The following ZPLD1 variants were observed in gnomAD, a reference collection of about 807,000 sequenced individuals.
The protein encoded by ZPLD1 is zona pellucida like domain containing 1, also known as zona pellucida-like domain-containing protein 1.
In ZPLD1, 34 loss-of-function variants were observed where a neutral mutation model predicts 47.2. The observed-to-expected ratio is 0.72, with a 90% CI of 0.55 to 0.96. The LOEUF (loss-of-function observed/expected upper bound fraction) is 0.96, where lower values mean the gene tolerates loss of function less well. Among genes scored for constraint, ZPLD1 ranks in the 40% least tolerant of loss-of-function variants. ZPLD1 has a pLI of 0.00. For missense variants in ZPLD1, 512 were observed against 505.8 expected, an observed-to-expected ratio of 1.01 and a Z score of -0.12; for synonymous variants, 176 against 186.2, an observed-to-expected ratio of 0.95 and a Z score of 0.45.
At chr3:102,404,244 A>T (rs1473560190) in intron 7 of ZPLD1, among the ~76,000 whole-genome samples, 1 of 151,960 alleles carries the variant, frequency 6.6e-6, no homozygotes, top group East Asian at 1.9e-4. Flanking sequence ...TATGCGTGTA[A>T]ATAACCTTAT....
At position 102,412,758 on chromosome 3, in the gene ZPLD1, T is replaced by C. The variant is rs1259157767; in HGVS notation, c.-156-5302T>C. Among the ~76,000 whole-genome samples the C allele has an allele frequency of 3.3e-5, 5 of 151,560 alleles. No homozygotes were observed. The East Asian group carries it at 9.7e-4, about 30-fold the overall frequency. The stretch of plus-strand genomic sequence containing the variant: ...CAAGAACTGTGAGCTCTGTAGCAGG[T>C]TTACAAGCACAGATTGACTGGTTTC... On this transcript the variant is annotated intron_variant, in intron 7 of 17. Coordinates refer to the ZPLD1 transcript ENST00000491959.
At chr3:102,458,566 A>G (rs1198799828) in intron 6 of ZPLD1, among the ~76,000 whole-genome samples, 1 of 152,210 alleles carries the variant, frequency 6.6e-6, no homozygotes, top group Non-Finnish European at 1.5e-5. Context: ...TTGCATTATT[A>G]TTCATGTCAT....
intron 10 of ZPLD1, among the ~76,000 whole-genome samples, chr3:102,470,725 T>TAC (rs149917091): frequency 0.21 from 31,724 of 148,774 alleles, 3,816 homozygotes; most frequent in African/African-American, 0.34. Context: ...CACACACACA[T>TAC]ACACACACAC....
intron 7 of ZPLD1, among the ~76,000 whole-genome samples, chr3:102,394,837 A>G (rs1172770933): frequency 6.6e-6 from 1 of 152,198 alleles, no homozygotes; most frequent in African/African-American, 2.4e-5. Context: ...GTGGTGATGT[A>G]ACCACATCTG....
intron 3 of ZPLD1, among the ~76,000 whole-genome samples, chr3:102,450,152 A>C (rs1707314342): frequency 6.6e-6 from 1 of 152,170 alleles, no homozygotes; most frequent in African/African-American, 2.4e-5. Context: ...TTACTTAGGC[A>C]AAGCTTTGGG....
intron 7 of ZPLD1, among the ~76,000 whole-genome samples, chr3:102,400,784 TA>T (rs577042661): frequency 1.3e-5 from 2 of 151,662 alleles, no homozygotes; most frequent in African/African-American, 2.4e-5. Flanking sequence ...CATACACTAA[TA>T]AAAAAAATAC....
Position 102,469,082 on chromosome 3 carries a change from T to A in ZPLD1, c.880T>A (p.Leu294Met). The A allele has an allele frequency of 6.2e-7, 1 of 1,614,168 alleles. No individual in the cohort carries two copies. ...HKNQKMSTVFLHCVTKLCRAD... is the reference protein window; with the variant it reads ...HKNQKMSTVFMHCVTKLCRAD... ...GAATCAGAAAATGTCCACTGTCTTC[T>A]TGCACTGCGTTACCAAGCTCTGCAG... is the stretch of plus-strand genomic sequence containing the variant. The change falls in exon 9 of 12, where the codon TTG becomes ATG. Residue 294 changes from leucine to methionine, a missense_variant. By Grantham distance (15) the Leu-to-Met change is conservative. Coordinates refer to ENST00000466937, the MANE Select transcript of ZPLD1 (RefSeq NM_001329788.2).
intron 7 of ZPLD1, among the ~76,000 whole-genome samples, chr3:102,403,711 A>C (rs1706650338): frequency 6.6e-6 from 1 of 151,980 alleles, no homozygotes; most frequent in African/African-American, 2.4e-5. Flanking sequence ...TTAACTGTGG[A>C]AGTTGAAGTC....
At chr3:102,430,387 A>G (rs192377314), upstream of ZPLD1, among the ~76,000 whole-genome samples, 10 of 152,328 alleles carry the variant, frequency 6.6e-5, no homozygotes, top group Admixed American at 2.0e-4. Flanking sequence ...CTTTCCTAAC[A>G]TATTTTGCAA....
upstream of ZPLD1, among the ~76,000 whole-genome samples, chr3:102,433,135 A>G (rs1407281219): frequency 6.6e-6 from 1 of 152,226 alleles, no homozygotes; most frequent in Non-Finnish European, 1.5e-5. Context: ...GGAGAGTACC[A>G]GACACATATA....
chr3:102,475,097 T>C (rs769132432), intron 10 of ZPLD1, among the ~76,000 whole-genome samples: 7 of 151,916 alleles, frequency 4.6e-5, no homozygotes, highest in Non-Finnish European at 5.9e-5. Context: ...CAATTCCAAA[T>C]AGTATTCAAA....
At chr3:102,436,522 T>C (rs571922920) in intron 1 of ZPLD1, among the ~76,000 whole-genome samples, 2 of 152,284 alleles carry the variant, frequency 1.3e-5, no homozygotes, top group Non-Finnish European at 2.9e-5. Flanking sequence ...TTAAATTTAA[T>C]AACAGATGAA....
At chr3:102,461,003 T>G (rs2107345541) in intron 6 of ZPLD1, among the ~76,000 whole-genome samples, 1 of 152,002 alleles carries the variant, frequency 6.6e-6, no homozygotes, top group African/African-American at 2.4e-5. Context: ...AACAAAAGAC[T>G]GAAGAGTATC....
intron 7 of ZPLD1, among the ~76,000 whole-genome samples, chr3:102,402,387 T>C (rs1706631971): frequency 6.6e-6 from 1 of 152,074 alleles, no homozygotes; most frequent in Non-Finnish European, 1.5e-5. Context: ...CTTTTAATTG[T>C]ACCAAAGCTT....
intron 3 of ZPLD1, among the ~76,000 whole-genome samples, chr3:102,452,114 CGTGTGTGTGTGTGTGTGT>C (rs56086826): frequency 1.7e-4 from 24 of 141,810 alleles, no homozygotes; most frequent in Middle Eastern, 3.5e-3. Context: ...ATATGAAGAC[CGTGTGTGTGTGTGTGTGT>C]GTGTGTGTGT....
intron 6 of ZPLD1, 110 bp from the exon 7 acceptor site, chr3:102,462,170 AG>A (rs975853605): frequency 6.9e-5 from 42 of 612,370 alleles, no homozygotes; most frequent in Non-Finnish European, 1.1e-4. Flanking sequence ...TTGATTCTGT[AG>A]GTTTATGTTG....
At position 102,461,969 on chromosome 3, in the gene ZPLD1, C is replaced by T. The variant is rs1221022343; in HGVS notation, c.583-312C>T. The stretch of plus-strand genomic sequence containing the variant: ...TAATTTAAGTAAACTAAATATTGAC[C>T]ATTGAATATTAACCAAACTGAATAT... On this transcript the variant is annotated intron_variant, in intron 6 of 11. Transcript: ENST00000466937. Among the ~76,000 whole-genome samples the T allele has an allele frequency of 2.0e-5, 3 of 151,858 alleles. No individual in the cohort carries two copies. The South Asian group carries it at 6.2e-4, about 32-fold the overall frequency.
upstream of ZPLD1, among the ~76,000 whole-genome samples, chr3:102,433,558 C>T (rs1707043113): frequency 6.6e-6 from 1 of 152,214 alleles, no homozygotes; most frequent in African/African-American, 2.4e-5. Flanking sequence ...GACGGAGTCT[C>T]GCTCTGTCAC....
chr3:102,444,481 A>G (rs1260659220), intron 3 of ZPLD1, among the ~76,000 whole-genome samples: 4 of 152,188 alleles, frequency 2.6e-5, no homozygotes, highest in African/African-American at 9.6e-5. Flanking sequence ...CAAAACCTCA[A>G]TCTTATATAA....
Sources: allele counts gnomAD v4.1 joint callset (sites outside exome capture counted in the v4.1 genomes callset), GRCh38; gene constraint gnomAD v4.1.1; transcripts MANE v1.5; gene names NCBI Gene and HGNC (gene_info 2026-07-23, HGNC 2026-07-21).